The following PLPPR1 variants were observed in gnomAD, a reference collection of about 807,000 sequenced individuals.
PLPPR1 encodes phospholipid phosphatase related 1.
PLPPR1 carries 10 observed loss-of-function variants against 33.1 expected under a neutral mutation model. The ratio of observed to expected loss-of-function variants is 0.30; its 90% CI spans 0.19 to 0.51. PLPPR1 has a LOEUF of 0.51. Ranked by LOEUF, PLPPR1 falls within the 20% of genes least tolerant of loss-of-function variation. PLPPR1 has a pLI of 0.97. For missense variants in PLPPR1, 304 were observed against 408.1 expected (o/e 0.74, Z 2.20); for synonymous variants, 151 against 151.0 (o/e 1.00, Z 0.00).
At chr9:101,241,664 A>C (rs886376459) in intron 2 of PLPPR1, among the ~76,000 whole-genome samples, 4 of 152,086 alleles carry the variant, frequency 2.6e-5, no homozygotes, top group African/African-American at 9.7e-5. Flanking sequence ...CTTATCTGAA[A>C]AGAGCAAGCT....
intron 6 of PLPPR1, among the ~76,000 whole-genome samples, chr9:101,314,422 G>A (rs1175106022): frequency 6.6e-6 from 1 of 152,138 alleles, no homozygotes; most frequent in African/African-American, 2.4e-5. Context: ...TGATTGGGAA[G>A]CTTCTTTCTA....
At chr9:101,087,732 C>T (rs895293627) in intron 1 of PLPPR1, among the ~76,000 whole-genome samples, 1 of 152,160 alleles carries the variant, frequency 6.6e-6, no homozygotes, top group Non-Finnish European at 1.5e-5. Flanking sequence ...CATAGATTAT[C>T]TGGGAAGTGG....
chr9:101,045,031 TG>T (rs1488651591), intron 1 of PLPPR1, among the ~76,000 whole-genome samples: 1 of 151,844 alleles, frequency 6.6e-6, no homozygotes, highest in African/African-American at 2.4e-5. Flanking sequence ...AAGATGAAAA[TG>T]GAAAGGGTCA....
At chr9:101,278,456 A>G (rs750039036) in intron 3 of PLPPR1, among the ~76,000 whole-genome samples, 2 of 152,206 alleles carry the variant, frequency 1.3e-5, no homozygotes, top group African/African-American at 4.8e-5. Context: ...AGATCAGAGT[A>G]ACTGGTTGGA....
intron 7 of PLPPR1, among the ~76,000 whole-genome samples, chr9:101,323,637 C>A (rs572528920): frequency 6.6e-6 from 1 of 152,024 alleles, no homozygotes; most frequent in Admixed American, 6.5e-5. Flanking sequence ...GTCGGGAGTT[C>A]GATACCAGCC....
At chr9:101,237,630 C>CAT (rs368055003) in intron 2 of PLPPR1, among the ~76,000 whole-genome samples, 3,170 of 126,784 alleles carry the variant, frequency 0.025, 105 homozygotes, top group African/African-American at 0.085. Context: ...CCATTGTGTG[C>CAT]ATATATATAT....
chr9:101,079,994 A>G (rs1312354351), intron 1 of PLPPR1, among the ~76,000 whole-genome samples: 1 of 152,192 alleles, frequency 6.6e-6, no homozygotes, highest in South Asian at 2.1e-4. Flanking sequence ...CAATGTCTTA[A>G]TAGGAATCTA....
At chr9:101,098,921 G>A (rs1830856627) in intron 1 of PLPPR1, among the ~76,000 whole-genome samples, 1 of 152,090 alleles carries the variant, frequency 6.6e-6, no homozygotes, top group Non-Finnish European at 1.5e-5. Flanking sequence ...GTCTATAGAT[G>A]AGCGTTTAAA....
intron 4 of PLPPR1, among the ~76,000 whole-genome samples, chr9:101,305,600 A>G (rs1229795202): frequency 6.6e-6 from 1 of 152,146 alleles, no homozygotes; most frequent in Non-Finnish European, 1.5e-5. Context: ...GCATGCATCT[A>G]GGCTTCCTAA....
chr9:101,128,365 T>A (rs1218966841), intron 1 of PLPPR1, among the ~76,000 whole-genome samples: 3 of 152,220 alleles, frequency 2.0e-5, no homozygotes, highest in African/African-American at 7.2e-5. Flanking sequence ...GAGTACTTAT[T>A]TTTAAAAGTG....
intron 2 of PLPPR1, among the ~76,000 whole-genome samples, chr9:101,202,007 A>C (rs1054931549): frequency 2.0e-5 from 3 of 152,226 alleles, no homozygotes; most frequent in African/African-American, 7.2e-5. Flanking sequence ...AAGAAAAAAC[A>C]GATAGTTTTG....
intron 1 of PLPPR1, among the ~76,000 whole-genome samples, chr9:101,111,140 G>A (rs369304254): frequency 5.4e-4 from 82 of 152,142 alleles, no homozygotes; most frequent in African/African-American, 1.6e-3. Context: ...CATGACTAGC[G>A]GTGGGGTAAT....
intron 1 of PLPPR1, among the ~76,000 whole-genome samples, chr9:101,172,361 AAAAC>A (rs1230051432): frequency 3.9e-5 from 6 of 151,928 alleles, no homozygotes; most frequent in African/African-American, 2.4e-5. Flanking sequence ...GGGAAAAAAA[AAAAC>A]AAAATATGCT....
intron 2 of PLPPR1, among the ~76,000 whole-genome samples, chr9:101,246,567 G>A (rs1827614612): frequency 6.6e-6 from 1 of 152,034 alleles, no homozygotes; most frequent in South Asian, 2.1e-4. Flanking sequence ...GTTAGTGAGT[G>A]GCAGAGGCAA....
chr9:101,311,242 C>G (rs1392371817), intron 5 of PLPPR1, among the ~76,000 whole-genome samples: 2 of 152,180 alleles, frequency 1.3e-5, no homozygotes, highest in Non-Finnish European at 2.9e-5. Flanking sequence ...ATCATCAGCT[C>G]ACACAGAATA....
rs373691762 is a variant in PLPPR1 at position 101,033,695 on chromosome 9, TA to T, written c.-46+4596del. On this transcript the variant is annotated intron_variant, in intron 1 of 7. Coordinates refer to ENST00000374874, the MANE Select transcript of PLPPR1 (RefSeq NM_207299.2). ...AGTCCCAACTGTGCCAGGACTTGTT[TA>T]AATGCCTCCACGTGGAATCCTATTT... Among the ~76,000 whole-genome samples, 476 of 152,290 alleles carry T rather than the reference TA, an allele frequency of 3.1e-3. 8 individuals are homozygous for T. Among genetic ancestry groups the T allele is most frequent in the African/African-American group, 0.011 (453 of 41,558 alleles).
At chr9:101,188,812 C>T (rs557110644) in intron 2 of PLPPR1, among the ~76,000 whole-genome samples, 5 of 152,150 alleles carry the variant, frequency 3.3e-5, no homozygotes, top group Non-Finnish European at 7.4e-5. Flanking sequence ...CCATGATTCT[C>T]TTAAACAATC....
intron 2 of PLPPR1, among the ~76,000 whole-genome samples, chr9:101,216,369 A>AT (rs1333867297): frequency 6.6e-6 from 1 of 151,228 alleles, no homozygotes; most frequent in Non-Finnish European, 1.5e-5. Flanking sequence ...TTTTGATTGG[A>AT]TTTTTTTGTT....
intron 5 of PLPPR1, 84 bp downstream of exon 5, chr9:101,309,545 C>A: frequency 6.9e-7 from 1 of 1,446,568 alleles, no homozygotes; most frequent in Non-Finnish European, 9.4e-7. Flanking sequence ...CTTTCATTGT[C>A]ACTTATAGCG....
Sources: allele counts gnomAD v4.1 joint callset (sites outside exome capture counted in the v4.1 genomes callset), GRCh38; gene constraint gnomAD v4.1.1; transcripts MANE v1.5; gene names NCBI Gene and HGNC (gene_info 2026-07-23, HGNC 2026-07-21).